Variants in SEMA3A observed in about 807,000 individuals in gnomAD.
SEMA3A encodes semaphorin-3A.
A neutral mutation model predicts 97.9 loss-of-function variants in SEMA3A; 29 were observed. That is an observed-to-expected ratio of 0.30 (90% confidence interval 0.22 to 0.40). SEMA3A has a LOEUF of 0.40. Among genes scored for constraint, SEMA3A ranks in the 10% least tolerant of loss-of-function variants. The probability of loss-of-function intolerance (pLI) is 1.00; values close to 1 mark genes in which losing one functional copy is unlikely to be tolerated. For missense variants in SEMA3A, 763 were observed against 951.3 expected (o/e 0.80, Z 2.60); for synonymous variants, 321 against 323.7 (o/e 0.99, Z 0.09).
In SEMA3A at chr7:84,347,545, G is replaced by A. The variant is rs972443501; in HGVS notation, c.-169+24279C>T. On this transcript the variant is annotated intron_variant, in intron 2 of 3. Coordinates refer to the SEMA3A transcript ENST00000424555. ...TCCTGCCTCAGCCTCTTGAGCAGCT[G>A]GAACTACAGGCGTGCGCCACCACGC... 5.9e-5 allele frequency among the ~76,000 whole-genome samples: 9 copies of A among 151,776 alleles called. No homozygotes were observed. In the East Asian group the frequency reaches 1.8e-3, roughly 30 times the overall value.
chr7:84,042,184 C>T (rs986030883), intron 6 of SEMA3A, among the ~76,000 whole-genome samples: 17 of 152,190 alleles, frequency 1.1e-4, no homozygotes, highest in African/African-American at 3.6e-4. Context: ...GAGGAAGCTA[C>T]GCTGATTCCA....
chr7:84,396,874 T>C (rs538002500), intron 1 of SEMA3A, among the ~76,000 whole-genome samples: 36 of 152,204 alleles, frequency 2.4e-4, no homozygotes, highest in African/African-American at 6.7e-4. Context: ...AGGTTTATAA[T>C]ATGGATAAAT....
rs982960739 is a variant in SEMA3A, at chr7:83,956,075, G to T, written c.*5296C>A. 1.3e-5 allele frequency: 2 copies of T among 152,036 alleles called. No homozygotes were observed. Among genetic ancestry groups the T allele is most frequent in the African/African-American group, 4.8e-5 (2 of 41,404 alleles). 9.4% of individuals were successfully genotyped at this position (152,036 alleles called of 1,614,324 possible). On this transcript the variant is annotated 3_prime_UTR_variant, in exon 17 of 17. Coordinates refer to ENST00000265362, the MANE Select transcript of SEMA3A (RefSeq NM_006080.3). The stretch of plus-strand genomic sequence containing the variant: ...GTCTCATTTTTTAAAAAACTTTTTT[G>T]GTTTGTTTGTTTAAAATAATAGGAG...
intron 4 of SEMA3A, among the ~76,000 whole-genome samples, chr7:84,067,022 T>C (rs2115730535): frequency 6.6e-6 from 1 of 152,198 alleles, no homozygotes; most frequent in South Asian, 2.1e-4. Flanking sequence ...CTTCAAACTA[T>C]ACTACAAGGC....
intron 4 of SEMA3A, among the ~76,000 whole-genome samples, chr7:84,076,299 T>G (rs1793946301): frequency 1.3e-5 from 2 of 152,150 alleles, no homozygotes; most frequent in Admixed American, 1.3e-4. Flanking sequence ...TAATGCCCCT[T>G]GAAATACATG....
In SEMA3A at chr7:83,956,061, T is replaced by TA. The variant is rs1788273196; in HGVS notation, c.*5309dup. Reference sequence around the variant, plus strand: ...CAAGATGAAGGTGGGTCTCATTTTTTAAAAAACTTTTTTGGTTTGTTTGTT... The same window carrying TA: ...CAAGATGAAGGTGGGTCTCATTTTTTAAAAAAACTTTTTTGGTTTGTTTGTT... On this transcript the variant is annotated 3_prime_UTR_variant, in exon 17 of 17. Coordinates refer to ENST00000265362, the MANE Select transcript of SEMA3A (RefSeq NM_006080.3). 1 of 152,166 alleles carries TA rather than the reference T, an allele frequency of 6.6e-6. No homozygotes were observed. The highest frequency in any genetic ancestry group is 6.6e-5 in the Admixed American group (1 of 15,262). 9.4% of individuals were successfully genotyped at this position (152,166 alleles called of 1,614,324 possible).
intron 1 of SEMA3A, among the ~76,000 whole-genome samples, chr7:84,167,886 T>C (rs1196180939): frequency 6.6e-6 from 1 of 152,170 alleles, no homozygotes; most frequent in Non-Finnish European, 1.5e-5. Flanking sequence ...GGATTCATGA[T>C]CATGTCCATC....
intron 15 of SEMA3A, among the ~76,000 whole-genome samples, chr7:83,972,183 C>A (rs997988755): frequency 2.6e-5 from 4 of 151,694 alleles, no homozygotes; most frequent in Non-Finnish European, 5.9e-5. Context: ...AGTAGAGTCA[C>A]CAGTATCTTA....
chr7:84,195,033 AG>A, upstream of SEMA3A: 1 of 151,934 alleles, frequency 6.6e-6, no homozygotes, highest in South Asian at 2.2e-4. Context: ...AAAGAGAGAG[AG>A]AGAGAGAGAG....
In SEMA3A at chr7:83,963,229, C is replaced by T. The variant is rs1183737766; in HGVS notation, c.1836G>A (p.Arg612=). ...CCTCTTCTTTTCGCTCTTCATTTCG[C>T]CTCTGGAATTGCCAATAGACCAGCG... ...QRALVYWQFQ[R]RNEERKEEIR... is the part of the protein sequence containing the mutation. The change falls in exon 16 of 17, where the codon AGG becomes AGA. Residue 612 remains arginine, a synonymous_variant. Transcript: ENST00000265362. 6.2e-7 allele frequency: 1 copy of T among 1,613,356 alleles called. No homozygotes were observed. The highest frequency in any genetic ancestry group is 8.5e-7 in the Non-Finnish European group (1 of 1,179,998).
intron 1 of SEMA3A, among the ~76,000 whole-genome samples, chr7:84,173,148 A>G (rs1797445254): frequency 2.0e-5 from 3 of 152,168 alleles, no homozygotes; most frequent in Admixed American, 2.0e-4. Context: ...TTTACTTATT[A>G]TGTATGCTCC....
intron 1 of SEMA3A, among the ~76,000 whole-genome samples, chr7:84,430,787 A>G (rs1584320134): frequency 8.0e-6 from 1 of 125,750 alleles, no homozygotes; most frequent in African/African-American, 3.4e-5. Context: ...ACAACATAAA[A>G]TTTGTGTGTG....
intron 1 of SEMA3A, among the ~76,000 whole-genome samples, chr7:84,151,270 C>G (rs1796659495): frequency 6.6e-6 from 1 of 151,914 alleles, no homozygotes; most frequent in Admixed American, 6.6e-5. Context: ...GAGAAGAAGG[C>G]TTCAGACGAT....
chr7:83,975,430 T>C (rs1332165306), intron 15 of SEMA3A, among the ~76,000 whole-genome samples: 1 of 152,168 alleles, frequency 6.6e-6, no homozygotes, highest in Admixed American at 6.5e-5. Flanking sequence ...TTGAATATAA[T>C]GGTGTTGATA....
At chr7:84,174,757 G>A (rs1039533193) in intron 1 of SEMA3A, among the ~76,000 whole-genome samples, 7 of 152,084 alleles carry the variant, frequency 4.6e-5, no homozygotes, top group African/African-American at 1.7e-4. Flanking sequence ...TATTCTTGTA[G>A]TTCTAATTGT....
At chr7:84,214,697 CTTTTT>C (rs754365106) in intron 3 of SEMA3A, among the ~76,000 whole-genome samples, 1 of 130,982 alleles carries the variant, frequency 7.6e-6, no homozygotes. Flanking sequence ...TTAGAGCTTA[CTTTTT>C]TTTTTTTTTT....
chr7:84,286,257 A>G (rs1018654309), intron 3 of SEMA3A, among the ~76,000 whole-genome samples: 2 of 152,170 alleles, frequency 1.3e-5, no homozygotes, highest in Admixed American at 6.6e-5. Context: ...TATTCATCCA[A>G]ACTAAATTAT....
At chr7:84,086,431 A>G (rs1042374928) in intron 4 of SEMA3A, among the ~76,000 whole-genome samples, 3 of 143,702 alleles carry the variant, frequency 2.1e-5, no homozygotes, top group Non-Finnish European at 4.5e-5. Context: ...ATTTCATATT[A>G]TATTTATATT....
chr7:84,046,063 G>A lies in SEMA3A; in HGVS notation c.667+261C>T, dbSNP rs143894472. Among the ~76,000 whole-genome samples, 149 of 151,408 alleles carry A rather than the reference G, an allele frequency of 9.8e-4. 1 individual carries two copies. The Middle Eastern group carries it at 0.017, about 18-fold the overall frequency. ...TATCTTTTTCCATTTCCTCCCTTCCGTAGCTCCGGTCCAGATCTTTCTTTC... is the reference window on the plus strand; with the variant it reads ...TATCTTTTTCCATTTCCTCCCTTCCATAGCTCCGGTCCAGATCTTTCTTTC... On this transcript the variant is annotated intron_variant, in intron 6 of 16. Coordinates refer to ENST00000265362, the MANE Select transcript of SEMA3A (RefSeq NM_006080.3).
Sources: gnomAD v4.1 joint callset for allele counts (sites outside exome capture counted in the v4.1 genomes callset) on GRCh38, gnomAD v4.1.1 for gene constraint, MANE v1.5 for transcripts, NCBI Gene and HGNC (gene_info 2026-07-23, HGNC 2026-07-21) for gene names.